The following CDON variants were observed in gnomAD, a reference collection of about 807,000 sequenced individuals.
CDON encodes the protein cell adhesion molecule-related/down-regulated by oncogenes.
A neutral mutation model predicts 120.9 loss-of-function variants in CDON; 73 were observed. That is an observed-to-expected ratio of 0.60 (90% confidence interval 0.50 to 0.73). The LOEUF (loss-of-function observed/expected upper bound fraction) is 0.73. CDON is among the 30% of genes least tolerant of loss of function. CDON has a pLI of 0.00. For missense variants in CDON, 1,470 were observed against 1,587.3 expected (o/e 0.93, Z 1.26); for synonymous variants, 566 against 573.5 (o/e 0.99, Z 0.19).
chr11:126,045,032 T>C (rs34179328), intron 1 of CDON, among the ~76,000 whole-genome samples: 1 of 139,088 alleles, frequency 7.2e-6, no homozygotes, highest in Non-Finnish European at 1.6e-5. Flanking sequence ...TTAAAATATA[T>C]ATATAGAGAG....
In CDON at chr11:125,959,925, T is replaced by C. The variant is rs1219227438; in HGVS notation, c.*1017A>G. ...CCATAGTGGCCATTTTATAAATTAA[T>C]GTAATTTTAAAGCAGTGGGACATGA... On this transcript the variant is annotated 3_prime_UTR_variant, in exon 20 of 20. Transcript: ENST00000531738. The C allele has an allele frequency of 6.6e-6, 1 of 152,218 alleles. No individual in the cohort carries two copies. Among genetic ancestry groups the C allele is most frequent in the Non-Finnish European group, 1.5e-5 (1 of 68,048 alleles). The allele number at this position is 152,218 out of a possible 1,614,324, so 9.4% of individuals were successfully genotyped here. A position where few individuals can be genotyped will look rare whatever the true frequency, so the allele number is the denominator to read the frequency against.
intron 1 of CDON, among the ~76,000 whole-genome samples, chr11:126,036,112 CA>C (rs932830353): frequency 2.6e-4 from 40 of 152,280 alleles, no homozygotes; most frequent in South Asian, 1.4e-3. Context: ...CAGATAGACC[CA>C]ACCTGGAACC....
chr11:126,018,184 C>A, intron 5 of CDON, 146 bp downstream of exon 5: 1 of 813,034 alleles, frequency 1.2e-6, no homozygotes, highest in South Asian at 1.5e-5. Flanking sequence ...ACAGGGGTGA[C>A]CCACCACACC....
chr11:126,004,201 T>C (rs999358996), intron 9 of CDON, 125 bp from the exon 10 acceptor site: 1 of 942,802 alleles, frequency 1.1e-6, no homozygotes, highest in Non-Finnish European at 1.6e-6. Flanking sequence ...TAATACAGCA[T>C]GGTAAGTAAA....
At chr11:126,014,026 AT>A (rs1206742487) in intron 7 of CDON, among the ~76,000 whole-genome samples, 2 of 152,080 alleles carry the variant, frequency 1.3e-5, no homozygotes, top group Non-Finnish European at 2.9e-5. Context: ...TGATCCAACT[AT>A]TGAGAAGTAT....
chr11:125,992,112 A>G (rs2134506190), intron 14 of CDON, among the ~76,000 whole-genome samples: 1 of 152,270 alleles, frequency 6.6e-6, no homozygotes, highest in African/African-American at 2.4e-5. Context: ...CTTGTTTAGA[A>G]CCATTTTATG....
At chr11:125,969,598 T>C (rs1945903698) in intron 18 of CDON, among the ~76,000 whole-genome samples, 2 of 152,250 alleles carry the variant, frequency 1.3e-5, no homozygotes, top group African/African-American at 2.4e-5. Flanking sequence ...GAGTTTTCTC[T>C]AGCTCAATGA....
In CDON at chr11:125,974,068, G is replaced by A. The variant is rs557095322; in HGVS notation, c.3356+4236C>T. ...TTGCCACCATGCCCAGCTAATTTTT[G>A]TATTTTTAGTAGAGATGGGGTTTCA... On this transcript the variant is annotated intron_variant, in intron 18 of 19. Transcript: ENST00000531738. 5.4e-4 allele frequency among the ~76,000 whole-genome samples: 82 copies of A among 151,674 alleles called. No homozygotes were observed. The South Asian group carries it at 6.5e-3, about 12-fold the overall frequency.
At chr11:125,963,280 G>A (rs191304942) in intron 18 of CDON, among the ~76,000 whole-genome samples, 4 of 152,220 alleles carry the variant, frequency 2.6e-5, no homozygotes, top group Non-Finnish European at 5.9e-5. Flanking sequence ...ACCATTACTG[G>A]AAGTTGGAGC....
At chr11:126,056,611 T>C (rs1399414047) in intron 1 of CDON, among the ~76,000 whole-genome samples, 3 of 152,320 alleles carry the variant, frequency 2.0e-5, no homozygotes, top group East Asian at 3.9e-4. Flanking sequence ...CCTTCCAAAA[T>C]TTAAAACAAA....
In CDON at chr11:126,010,521, G is replaced by T; in HGVS notation, c.1372C>A (p.Arg458=). ...TCAGGTCTTGATAACTGTGATTTTC[G>T]GGATTTCGATCTCAGGACTTGAGAT... ...HPSQVLRSKS[R]KSQLSRPEGL... is the part of the protein sequence containing the mutation. The change falls in exon 8 of 20, where the codon CGA becomes AGA. Residue 458 remains arginine (R), a synonymous_variant. Transcript: ENST00000531738. 6.2e-7 allele frequency: 1 copy of T among 1,614,060 alleles called. No homozygotes were observed. The highest frequency in any genetic ancestry group is 8.5e-7 in the Non-Finnish European group (1 of 1,179,984).
At chr11:126,042,813 G>C (rs768385786) in intron 1 of CDON, among the ~76,000 whole-genome samples, 1 of 152,078 alleles carries the variant, frequency 6.6e-6, no homozygotes, top group African/African-American at 2.4e-5. Context: ...AGTAGAGACC[G>C]GGTTTCACCG....
chr11:126,024,355 G>A lies in CDON; in HGVS notation c.-61-818C>T, dbSNP rs543249776. 3.1e-4 allele frequency among the ~76,000 whole-genome samples: 47 copies of A among 152,280 alleles called. 2 individuals are homozygous for A. Among genetic ancestry groups the A allele is most frequent in the African/African-American group, 1.0e-3 (43 of 41,572 alleles). ...AAGCAGGACATACTGTAATCACCCC[G>A]GAGACAGATGAGGACACAGTGGTTA... is the stretch of plus-strand genomic sequence containing the variant. On this transcript the variant is annotated intron_variant, in intron 1 of 19. Coordinates refer to ENST00000531738, the MANE Select transcript of CDON (RefSeq NM_001378964.1).
At chr11:125,984,154 T>C in intron 15 of CDON, 61 bp from the exon 16 acceptor site, 3 of 1,227,290 alleles carry the variant, frequency 2.4e-6, no homozygotes, top group East Asian at 2.4e-5. Context: ...TGAAATGGTT[T>C]ACTCTCTGAA....
At chr11:126,054,710 A>G (rs1479497872) in intron 1 of CDON, among the ~76,000 whole-genome samples, 1 of 152,208 alleles carries the variant, frequency 6.6e-6, no homozygotes, top group East Asian at 1.9e-4. Context: ...ATGCAGTTGA[A>G]CACACTCGCT....
At chr11:126,001,654 C>T in intron 11 of CDON, 65 bp downstream of exon 11, 3 of 1,443,720 alleles carry the variant, frequency 2.1e-6, no homozygotes, top group Middle Eastern at 2.1e-4. Context: ...TTCCACCCCA[C>T]CTCCCAAAAT....
Position 125,981,406 on chromosome 11 carries a change from GCA to G in CDON, c.2996-79_2996-78del. On this transcript the variant is annotated intron_variant, in intron 16 of 19. Coordinates refer to ENST00000531738, the MANE Select transcript of CDON (RefSeq NM_001378964.1). ...CACATGCACATACGCACACACGCAT[GCA>G]CACATGCACATACGCACACACGCAC... The G allele has an allele frequency of 3.5e-6, 5 of 1,420,482 alleles. No homozygotes were observed. The Admixed American group carries it at 8.6e-5, about 25-fold the overall frequency. The allele number at this position is 1,420,482 out of a possible 1,614,324, so 88.0% of individuals were successfully genotyped here.
At chr11:125,974,886 T>G (rs4937081) in intron 18 of CDON, among the ~76,000 whole-genome samples, 56,506 of 151,778 alleles carry the variant, frequency 0.37, 10,621 homozygotes, top group Admixed American at 0.43. Flanking sequence ...GTTTGAAACT[T>G]CTTACACATC....
intron 7 of CDON, among the ~76,000 whole-genome samples, chr11:126,012,208 T>C (rs370329231): frequency 3.4e-4 from 52 of 152,342 alleles, no homozygotes; most frequent in South Asian, 2.3e-3. Context: ...AATATTATGA[T>C]GGGATTTTAA....
Sources: gnomAD v4.1 joint callset for allele counts (sites outside exome capture counted in the v4.1 genomes callset) on GRCh38, gnomAD v4.1.1 for gene constraint, MANE v1.5 for transcripts, NCBI Gene and HGNC (gene_info 2026-07-23, HGNC 2026-07-21) for gene names.